CATSPERQ: variants seen among roughly 807,000 people sequenced by gnomAD.
CATSPERQ encodes the protein catsper channel auxiliary subunit theta.
At chr8:144,353,809 A>G in the CATSPERQ span, 1 of 1,535,570 alleles carries the variant, frequency 6.5e-7, no homozygotes, top group African/African-American at 1.4e-5. Flanking sequence ...CACCAGCACC[A>G]GGGGCTCCAA....
At chr8:144,353,827 C>T in the CATSPERQ span, 1 of 1,535,518 alleles carries the variant, frequency 6.5e-7, no homozygotes, top group Non-Finnish European at 8.7e-7. Flanking sequence ...CAACCTGTGG[C>T]CGCCGAGGAC....
chr8:144,353,995 G>A, the CATSPERQ span: 14 of 1,534,780 alleles, frequency 9.1e-6, no homozygotes, highest in African/African-American at 1.8e-4. Flanking sequence ...CAGATGCAAG[G>A]GGCCCTGGCA....
the CATSPERQ span, chr8:144,354,462 C>T: frequency 3.8e-5 from 50 of 1,305,544 alleles, no homozygotes; most frequent in Non-Finnish European, 4.7e-5. This position sits in a 1 kb window ranked among gnomAD's most constrained non-coding sequence, Gnocchi z 4.6. Flanking sequence ...GCGGCCTCTC[C>T]GTCCCCAGGA....
At chr8:144,353,368 G>C in the CATSPERQ span, 1 of 1,534,694 alleles carries the variant, frequency 6.5e-7, no homozygotes, top group Non-Finnish European at 8.7e-7. Context: ...AGGCTGGACT[G>C]AGAGGAGCTG....
the CATSPERQ span, chr8:144,354,454 G>C: frequency 1.5e-6 from 2 of 1,302,560 alleles, no homozygotes; most frequent in South Asian, 1.6e-5. The surrounding 1 kb of genome is among the most constrained non-coding windows in gnomAD (Gnocchi z 4.6). Flanking sequence ...TCTCGCCTGC[G>C]GCCTCTCCGT....
chr8:144,353,575 G>A, the CATSPERQ span: 4 of 1,494,890 alleles, frequency 2.7e-6, no homozygotes, highest in South Asian at 1.3e-5. Context: ...GGACAGACCC[G>A]AGTCGCCGTC....
chr8:144,353,921 C>G, the CATSPERQ span: 2 of 1,528,488 alleles, frequency 1.3e-6, no homozygotes, highest in African/African-American at 1.4e-5. Flanking sequence ...CAAGCTGCCT[C>G]CCCGTCCCTG....
At chr8:144,354,537 G>C in the CATSPERQ span, 1 of 1,448,216 alleles carries the variant, frequency 6.9e-7, no homozygotes, top group South Asian at 1.4e-5. This position sits in a 1 kb window ranked among gnomAD's most constrained non-coding sequence, Gnocchi z 4.6. Flanking sequence ...CCCCATTCAG[G>C]CCTCGGGCCC....
At chr8:144,354,161 A>T in the CATSPERQ span, 1 of 1,536,044 alleles carries the variant, frequency 6.5e-7, no homozygotes, top group Non-Finnish European at 8.7e-7. This position sits in a 1 kb window ranked among gnomAD's most constrained non-coding sequence, Gnocchi z 4.6. Flanking sequence ...TGCGGGCGCC[A>T]CGCGGAGAGT....
At chr8:144,354,434 G>A in the CATSPERQ span, 6 of 1,337,158 alleles carry the variant, frequency 4.5e-6, no homozygotes, top group East Asian at 2.7e-5. The surrounding 1 kb of genome is among the most constrained non-coding windows in gnomAD (Gnocchi z 4.6). Flanking sequence ...CAGGGCTCGC[G>A]GAGGCGACGT....
At chr8:144,354,578 A>AGCCCCGCCCC in the CATSPERQ span, 26 of 222,648 alleles carry the variant, frequency 1.2e-4, no homozygotes, top group African/African-American at 9.4e-4. The surrounding 1 kb of genome is among the most constrained non-coding windows in gnomAD (Gnocchi z 4.6). Flanking sequence ...CGCCCTTCCC[A>AGCCCCGCCCC]GCCCCGCCCC....
the CATSPERQ span, chr8:144,354,197 G>A: frequency 2.6e-6 from 4 of 1,545,082 alleles, no homozygotes; most frequent in Non-Finnish European, 3.5e-6. The surrounding 1 kb of genome is among the most constrained non-coding windows in gnomAD (Gnocchi z 4.6). Flanking sequence ...CCGGCCCTCA[G>A]GGGAGGAGGG....
the CATSPERQ span, chr8:144,354,801 C>T: frequency 2.1e-5 from 32 of 1,523,224 alleles, no homozygotes; most frequent in African/African-American, 2.7e-4. The surrounding 1 kb of genome is among the most constrained non-coding windows in gnomAD (Gnocchi z 4.6). Flanking sequence ...CCTGGCCGCT[C>T]GTCCGCTGCC....
chr8:144,353,339 C>G, the CATSPERQ span: 1 of 1,523,606 alleles, frequency 6.6e-7, no homozygotes, highest in Non-Finnish European at 8.8e-7. Flanking sequence ...GTGGGGGAGG[C>G]CCTCAGAGTC....
the CATSPERQ span, chr8:144,353,364 G>A: frequency 2.6e-6 from 4 of 1,534,380 alleles, no homozygotes; most frequent in Non-Finnish European, 3.5e-6. Flanking sequence ...CTCCAGGCTG[G>A]ACTGAGAGGA....
chr8:144,354,490 C>T, the CATSPERQ span: 2 of 1,355,082 alleles, frequency 1.5e-6, no homozygotes, highest in Non-Finnish European at 9.7e-7. The surrounding 1 kb of genome is among the most constrained non-coding windows in gnomAD (Gnocchi z 4.6). Context: ...CCGGCCCCAC[C>T]CAGGGCCCTG....
the CATSPERQ span, chr8:144,354,474 C>A: frequency 1.5e-6 from 2 of 1,316,574 alleles, no homozygotes; most frequent in South Asian, 3.2e-5. The surrounding 1 kb of genome is among the most constrained non-coding windows in gnomAD (Gnocchi z 4.6). Flanking sequence ...TCCCCAGGAG[C>A]ACCGGCCGGC....
At chr8:144,354,071 G>C in the CATSPERQ span, 3 of 1,535,322 alleles carry the variant, frequency 2.0e-6, no homozygotes, top group Non-Finnish European at 2.6e-6. The surrounding 1 kb of genome is among the most constrained non-coding windows in gnomAD (Gnocchi z 4.6). Flanking sequence ...AGGCGGCGCC[G>C]CGGCAGCGAC....
At chr8:144,353,847 G>A in the CATSPERQ span, 1 of 1,535,508 alleles carries the variant, frequency 6.5e-7, no homozygotes, top group Non-Finnish European at 8.7e-7. Context: ...CCAGGTGGAA[G>A]AAGCACCTTC....
Sources: allele counts gnomAD v4.1 joint callset, GRCh38; gene constraint gnomAD v4.1.1; non-coding constraint Gnocchi (gnomAD v3.1); transcripts MANE v1.5; gene names NCBI Gene and HGNC (gene_info 2026-07-23, HGNC 2026-07-21).